Variants in MPP7 observed in about 807,000 individuals in gnomAD.
MPP7 encodes the protein MAGUK p55 scaffold protein 7.
In MPP7, 60 loss-of-function variants were observed where a neutral mutation model predicts 76.5. The observed-to-expected ratio is 0.78, with a 90% CI of 0.64 to 0.97. The LOEUF is 0.97. Ranked by LOEUF, MPP7 falls within the 50% of genes least tolerant of loss-of-function variation. The pLI, the probability that MPP7 is intolerant of heterozygous loss-of-function variation, is 0.00. For synonymous variants in MPP7, 237 were observed against 244.5 expected (o/e 0.97, Z 0.29); for missense variants, 641 against 694.0 (o/e 0.92, Z 0.86).
At chr10:28,205,859 T>C (rs971739794) in intron 2 of MPP7, among the ~76,000 whole-genome samples, 2 of 152,072 alleles carry the variant, frequency 1.3e-5, no homozygotes, top group African/African-American at 2.4e-5. Flanking sequence ...TGCAAGAGCG[T>C]TGGGAGGTGG....
At chr10:28,299,726 C>G (rs1841108806) in intron 1 of MPP7, among the ~76,000 whole-genome samples, 1 of 151,766 alleles carries the variant, frequency 6.6e-6, no homozygotes, top group South Asian at 2.1e-4. Flanking sequence ...GAAGGAATAC[C>G]CTTTCCTTCC....
intron 1 of MPP7, among the ~76,000 whole-genome samples, chr10:28,291,537 C>T (rs551425254): frequency 6.6e-6 from 1 of 152,184 alleles, no homozygotes; most frequent in African/African-American, 2.4e-5. Context: ...CCCAGTGGGG[C>T]AGAGGTTGCA....
chr10:28,247,850 CT>C (rs1190482864), intron 1 of MPP7, among the ~76,000 whole-genome samples: 2 of 152,188 alleles, frequency 1.3e-5, no homozygotes, highest in African/African-American at 4.8e-5. Context: ...TTTAAGAGCA[CT>C]GCATTGTTCA....
intron 3 of MPP7, among the ~76,000 whole-genome samples, chr10:28,185,219 TATA>T (rs150035900): frequency 0.023 from 3,479 of 149,048 alleles, 135 homozygotes; most frequent in African/African-American, 0.081. Context: ...TATAATATAG[TATA>T]ATATGATATA....
At chr10:28,095,115 AC>A (rs1296048442) in intron 11 of MPP7, among the ~76,000 whole-genome samples, 1 of 150,980 alleles carries the variant, frequency 6.6e-6, no homozygotes, top group Non-Finnish European at 1.5e-5. Context: ...CTTACTTTTT[AC>A]TTACTCCCCT....
intron 3 of MPP7, among the ~76,000 whole-genome samples, chr10:28,197,330 G>T (rs1368103086): frequency 6.6e-6 from 1 of 151,820 alleles, no homozygotes; most frequent in African/African-American, 2.4e-5. Flanking sequence ...TTACAAGAAT[G>T]TGCCACCATG....
chr10:28,330,624 G>A (rs1267543521), intron 1 of MPP7, among the ~76,000 whole-genome samples: 1 of 152,112 alleles, frequency 6.6e-6, no homozygotes, highest in Non-Finnish European at 1.5e-5. Context: ...TGGGGGATCA[G>A]AGGATAAAAT....
At chr10:28,165,839 A>C (rs1836433706) in intron 3 of MPP7, among the ~76,000 whole-genome samples, 2 of 152,132 alleles carry the variant, frequency 1.3e-5, no homozygotes, top group African/African-American at 4.8e-5. Context: ...AGCCTGGCCA[A>C]CATGGTGAAA....
rs1267605497 is a variant in MPP7 at position 28,092,744 on chromosome 10, T to C, written c.953-2903A>G. 2.4e-4 allele frequency among the ~76,000 whole-genome samples: 34 copies of C among 144,534 alleles called. 1 individual carries two copies. In the Admixed American group the frequency reaches 2.4e-3, roughly 10 times the overall value. 94.8% of individuals were successfully genotyped at this position (144,534 alleles called of 152,430 possible). A position where few individuals can be genotyped will look rare whatever the true frequency, so the allele number is the denominator to read the frequency against. The stretch of plus-strand genomic sequence containing the variant: ...TGTGCCACCACACCTGGCTCAATTT[T>C]TTTTTTTTTTTTTTTTGAAGAGATA... On this transcript the variant is annotated intron_variant, in intron 11 of 16. Transcript: ENST00000683449.
intron 3 of MPP7, among the ~76,000 whole-genome samples, chr10:28,185,809 C>G (rs181107820): frequency 4.3e-4 from 65 of 152,254 alleles, no homozygotes; most frequent in South Asian, 1.2e-3. Flanking sequence ...GGTGAATAGG[C>G]CTCCAAGCCA....
chr10:28,310,878 C>T (rs765404069), intron 2 of MPP7, among the ~76,000 whole-genome samples: 24 of 152,132 alleles, frequency 1.6e-4, no homozygotes, highest in Admixed American at 1.3e-3. Flanking sequence ...AAAGCAATTG[C>T]GGGTTTTGCC....
intron 3 of MPP7, among the ~76,000 whole-genome samples, chr10:28,156,964 C>T (rs1262550351): frequency 1.3e-5 from 2 of 152,060 alleles, no homozygotes; most frequent in East Asian, 3.9e-4. Context: ...AATCCCAGCA[C>T]TTTGGGAGGC....
At chr10:28,077,397 C>A (rs1852545960) in intron 12 of MPP7, among the ~76,000 whole-genome samples, 1 of 152,134 alleles carries the variant, frequency 6.6e-6, no homozygotes, top group Non-Finnish European at 1.5e-5. Context: ...TAATTTCAAT[C>A]ATTCTTACTG....
At chr10:28,321,648 G>A (rs1283892843) in intron 2 of MPP7, among the ~76,000 whole-genome samples, 6 of 151,992 alleles carry the variant, frequency 3.9e-5, no homozygotes, top group Admixed American at 3.9e-4. Context: ...GCAGTGGTGC[G>A]ATCTCAGCTC....
intron 2 of MPP7, among the ~76,000 whole-genome samples, chr10:28,318,996 T>C (rs1401327350): frequency 6.6e-6 from 1 of 152,252 alleles, no homozygotes; most frequent in East Asian, 1.9e-4. Context: ...TGTATTAGTC[T>C]GTTCTTACAC....
At chr10:28,312,923 C>CA (rs1399156414) in intron 2 of MPP7, among the ~76,000 whole-genome samples, 2 of 152,126 alleles carry the variant, frequency 1.3e-5, no homozygotes, top group Non-Finnish European at 1.5e-5. Context: ...AGGAAACTTG[C>CA]AAGGATGAGC....
intron 3 of MPP7, among the ~76,000 whole-genome samples, chr10:28,195,195 C>T (rs2368304): frequency 0.51 from 77,041 of 152,010 alleles, 22,006 homozygotes; most frequent in East Asian, 0.99. Context: ...CAATGAGGTA[C>T]CACTTCATAC....
At chr10:28,140,660 A>C (rs1240955125) in intron 5 of MPP7, among the ~76,000 whole-genome samples, 3 of 152,242 alleles carry the variant, frequency 2.0e-5, no homozygotes, top group Non-Finnish European at 4.4e-5. Flanking sequence ...CTTTGGATAC[A>C]AATCAACAGG....
chr10:28,068,248 T>A lies in MPP7; in HGVS notation c.1204+1524A>T, dbSNP rs80036262. ...ACATTTTCATTAACTTTCATCTCTG[T>A]TGGTAGAAAGCAGCAGTCCTATAAC... On this transcript the variant is annotated intron_variant, in intron 13 of 16. Coordinates refer to ENST00000683449, the MANE Select transcript of MPP7 (RefSeq NM_001318170.2). 6.0e-4 allele frequency among the ~76,000 whole-genome samples: 91 copies of A among 152,206 alleles called. 1 individual carries two copies. In the Middle Eastern group the frequency reaches 0.01, roughly 17 times the overall value.
Sources: allele counts gnomAD v4.1 joint callset (sites outside exome capture counted in the v4.1 genomes callset), GRCh38; gene constraint gnomAD v4.1.1; transcripts MANE v1.5; gene names NCBI Gene and HGNC (gene_info 2026-07-23, HGNC 2026-07-21).